Variants in SS18L1 observed in about 807,000 individuals in gnomAD.
SS18L1 encodes the protein calcium-responsive transactivator.
SS18L1 carries 32 observed loss-of-function variants against 70.3 expected under a neutral mutation model. The ratio of observed to expected loss-of-function variants is 0.46; its 90% CI spans 0.34 to 0.61. The LOEUF (loss-of-function observed/expected upper bound fraction) is 0.61, where lower values mean the gene tolerates loss of function less well. SS18L1 is among the 20% of genes least tolerant of loss of function. SS18L1 has a pLI of 0.01. For missense variants in SS18L1, 430 were observed against 542.1 expected, an observed-to-expected ratio of 0.79 and a Z score of 2.05; for synonymous variants, 237 against 229.7, an observed-to-expected ratio of 1.03 and a Z score of -0.29.
intron 1 of SS18L1, among the ~76,000 whole-genome samples, chr20:62,148,367 C>T (rs1342034596): frequency 1.3e-5 from 2 of 150,142 alleles, no homozygotes; most frequent in Admixed American, 6.6e-5. Context: ...GAGGGAGGCT[C>T]GGCCTCCTTG....
At chr20:62,175,529 G>T in intron 10 of SS18L1, 1 of 815,264 alleles carries the variant, frequency 1.2e-6, no homozygotes, top group African/African-American at 1.9e-5. Context: ...GGTGGCTGGA[G>T]CACAGGGCAT....
At position 62,151,359 on chromosome 20, in the gene SS18L1, C is replaced by T. The variant is rs1866239449; in HGVS notation, c.70-7313C>T. 2.0e-5 allele frequency among the ~76,000 whole-genome samples: 3 copies of T among 152,348 alleles called. No individual in the cohort carries two copies. The South Asian group carries it at 6.2e-4, about 32-fold the overall frequency. ...GTGTCCCCCGTCAGTCCCCGCTTGC[C>T]AAATCCAGTTTCTCTGCTCACCCAC... On this transcript the variant is annotated intron_variant, in intron 1 of 10. Coordinates refer to ENST00000331758, the MANE Select transcript of SS18L1 (RefSeq NM_198935.3).
At chr20:62,162,363 A>T (rs1251576649) in intron 4 of SS18L1, among the ~76,000 whole-genome samples, 2 of 151,990 alleles carry the variant, frequency 1.3e-5, no homozygotes, top group Non-Finnish European at 2.9e-5. Flanking sequence ...TGCAATGGGC[A>T]TGATCTTGGC....
Position 62,159,848 on chromosome 20 carries a change from C to T in SS18L1, c.147-29C>T, listed in dbSNP as rs1282013414. Reference sequence around the variant, plus strand: ...GTGGGGACTCTGTGGTCCCGTCGTCCTGCCTCATGCGTGCCCCCTCTCCTG... The same window carrying T: ...GTGGGGACTCTGTGGTCCCGTCGTCTTGCCTCATGCGTGCCCCCTCTCCTG... On this transcript the variant is annotated intron_variant, in intron 2 of 10. Transcript: ENST00000331758. This position sits in a 1 kb window ranked among gnomAD's most constrained non-coding sequence, Gnocchi z 4.4. 3 of 1,608,222 alleles carry T rather than the reference C, an allele frequency of 1.9e-6. No homozygotes were observed. The highest frequency in any genetic ancestry group is 2.5e-6 in the Non-Finnish European group (3 of 1,178,058).
intron 1 of SS18L1, 34 bp downstream of exon 1, chr20:62,143,923 G>C: frequency 9.8e-7 from 1 of 1,015,996 alleles, no homozygotes; most frequent in Non-Finnish European, 1.2e-6. Context: ...GCTGGGCGGC[G>C]GGTCTGCGGG....
Position 62,158,653 on chromosome 20 carries a change from G to T in SS18L1, c.70-19G>T. 1.2e-6 allele frequency: 2 copies of T among 1,611,266 alleles called. No individual in the cohort carries two copies. The highest frequency in any genetic ancestry group is 8.5e-7 in the Non-Finnish European group (1 of 1,179,770). On this transcript the variant is annotated intron_variant, in intron 1 of 10. Transcript: ENST00000331758. The surrounding 1 kb of genome is among the most constrained non-coding windows in gnomAD (Gnocchi z 4.5). Reference sequence around the variant, plus strand: ...CGACAGCCCCGCGTCGGCAGCGCCCGCTCACGCTCTCTCCGCAGATGCTGG... The same window carrying T: ...CGACAGCCCCGCGTCGGCAGCGCCCTCTCACGCTCTCTCCGCAGATGCTGG...
At chr20:62,153,485 G>C (rs2057170359) in intron 1 of SS18L1, among the ~76,000 whole-genome samples, 1 of 151,846 alleles carries the variant, frequency 6.6e-6, no homozygotes, top group Non-Finnish European at 1.5e-5. Flanking sequence ...CACCCGATAA[G>C]GTCTGCCCTC....
intron 1 of SS18L1, among the ~76,000 whole-genome samples, chr20:62,145,276 C>G (rs997789856): frequency 1.3e-5 from 2 of 151,746 alleles, no homozygotes; most frequent in African/African-American, 4.8e-5. Context: ...AGGCTGCGGC[C>G]TAGGGAGGCC....
Position 62,158,136 on chromosome 20 carries a change from C to G in SS18L1, c.70-536C>G, listed in dbSNP as rs561299698. Reference sequence around the variant, plus strand: ...TGGGGTGCCCACAGGGTCCTGACATCCTTGCCATCGGCTTGGCTGACCCTT... The same window carrying G: ...TGGGGTGCCCACAGGGTCCTGACATGCTTGCCATCGGCTTGGCTGACCCTT... On this transcript the variant is annotated intron_variant, in intron 1 of 10. Transcript: ENST00000331758. This position sits in a 1 kb window ranked among gnomAD's most constrained non-coding sequence, Gnocchi z 4.5. 6.6e-6 allele frequency among the ~76,000 whole-genome samples: 1 copy of G among 152,276 alleles called. No individual in the cohort carries two copies. The highest frequency in any genetic ancestry group is 2.1e-4 in the South Asian group (1 of 4,830).
Position 62,174,797 on chromosome 20 carries a change from T to G in SS18L1, c.1164+153T>G. 6.5e-7 allele frequency: 1 copy of G among 1,537,326 alleles called. No homozygotes were observed. The highest frequency in any genetic ancestry group is 8.8e-7 in the Non-Finnish European group (1 of 1,141,068). On this transcript the variant is annotated intron_variant, in intron 10 of 10. Coordinates refer to ENST00000331758, the MANE Select transcript of SS18L1 (RefSeq NM_198935.3). The surrounding 1 kb of genome is among the most constrained non-coding windows in gnomAD (Gnocchi z 4.1). Reference sequence around the variant, plus strand: ...GTTAAGTCTCTGAGCCTGTAAGGTTTTGCAGAATTGCCTCTGTGTATACGC... The same window carrying G: ...GTTAAGTCTCTGAGCCTGTAAGGTTGTGCAGAATTGCCTCTGTGTATACGC...
chr20:62,148,786 G>A (rs1472591230), intron 1 of SS18L1, among the ~76,000 whole-genome samples: 1 of 152,246 alleles, frequency 6.6e-6, no homozygotes, highest in Non-Finnish European at 1.5e-5. Flanking sequence ...CCTCTTGCTG[G>A]ATGCTCCTGA....
intron 7 of SS18L1, 110 bp from the exon 8 acceptor site, chr20:62,165,312 G>A: frequency 9.2e-7 from 1 of 1,084,508 alleles, no homozygotes; most frequent in East Asian, 2.6e-5. Context: ...GCCGGCTCTT[G>A]TTGCCTCCCT....
rs1364541520 is a variant in SS18L1 at position 62,174,985 on chromosome 20, TTTAGAGC to T, written c.1164+345_1164+351del. On this transcript the variant is annotated intron_variant, in intron 10 of 10. Transcript: ENST00000331758. This position sits in a 1 kb window ranked among gnomAD's most constrained non-coding sequence, Gnocchi z 4.1. ...GTGGCCGCGACACGAACCCTGCACT[TTTAGAGC>T]TTATGTCTCGCTACAGAGACATAAG... The T allele has an allele frequency of 4.5e-6, 4 of 890,564 alleles. No individual in the cohort carries two copies. The highest frequency in any genetic ancestry group is 1.8e-5 in the African/African-American group (1 of 55,224). The allele number at this position is 890,564 out of a possible 1,614,324, so 55.2% of individuals were successfully genotyped here. A position where few individuals can be genotyped will look rare whatever the true frequency, so the allele number is the denominator to read the frequency against.
intron 1 of SS18L1, among the ~76,000 whole-genome samples, chr20:62,157,824 A>G (rs1468361353): frequency 6.6e-6 from 1 of 152,016 alleles, no homozygotes; most frequent in African/African-American, 2.4e-5. Flanking sequence ...CCCCAGGTCT[A>G]GGTCATGCCC....
intron 1 of SS18L1, among the ~76,000 whole-genome samples, chr20:62,155,547 A>C (rs1469836358): frequency 6.6e-6 from 1 of 152,106 alleles, no homozygotes; most frequent in East Asian, 1.9e-4. Context: ...TGCGGATTGG[A>C]GGCCGGGGCA....
chr20:62,160,520 C>T (rs2057310331), intron 3 of SS18L1, among the ~76,000 whole-genome samples: 1 of 152,064 alleles, frequency 6.6e-6, no homozygotes. Context: ...AGAGAACATG[C>T]CCAGCACAGT....
intron 8 of SS18L1, among the ~76,000 whole-genome samples, chr20:62,167,060 T>TG (rs1318915510): frequency 7.1e-6 from 1 of 141,016 alleles, no homozygotes; most frequent in African/African-American, 2.7e-5. Flanking sequence ...TTTTTTTTTT[T>TG]TTTGAGACGG....
At chr20:62,167,042 GT>G (rs1216570693) in intron 8 of SS18L1, among the ~76,000 whole-genome samples, 151 of 88,110 alleles carry the variant, frequency 1.7e-3, no homozygotes, top group Middle Eastern at 7.4e-3. Flanking sequence ...GAGTTTGTTT[GT>G]TTTTTTTTTT....
intron 8 of SS18L1, among the ~76,000 whole-genome samples, chr20:62,171,444 A>G (rs1467025228): frequency 2.0e-5 from 3 of 152,190 alleles, no homozygotes; most frequent in African/African-American, 4.8e-5. Flanking sequence ...TCAAGACTCA[A>G]GATACTTCCT....
Sources: allele counts gnomAD v4.1 joint callset (sites outside exome capture counted in the v4.1 genomes callset), GRCh38; gene constraint gnomAD v4.1.1; non-coding constraint Gnocchi (gnomAD v3.1); transcripts MANE v1.5; gene names NCBI Gene and HGNC (gene_info 2026-07-23, HGNC 2026-07-21).